SYT9: variants seen among roughly 807,000 people sequenced by gnomAD.
The protein encoded by SYT9 is synaptotagmin 9.
In SYT9, 22 loss-of-function variants were observed where a neutral mutation model predicts 48.4. That is an observed-to-expected ratio of 0.45 (90% confidence interval 0.32 to 0.65). The LOEUF (loss-of-function observed/expected upper bound fraction) is 0.65. SYT9 is among the 30% of genes least tolerant of loss of function. SYT9 has a pLI of 0.03. For missense variants in SYT9, 577 were observed against 622.0 expected, an observed-to-expected ratio of 0.93 and a Z score of 0.77; for synonymous variants, 265 against 245.0, an observed-to-expected ratio of 1.08 and a Z score of -0.76.
At chr11:7,298,321 T>C (rs1848850325) in intron 1 of SYT9, among the ~76,000 whole-genome samples, 1 of 152,232 alleles carries the variant, frequency 6.6e-6, no homozygotes, top group Non-Finnish European at 1.5e-5. Context: ...TCAGATTGGA[T>C]CTCAAGGGTG....
intron 1 of SYT9, among the ~76,000 whole-genome samples, chr11:7,282,866 A>T (rs1848525216): frequency 6.6e-6 from 1 of 151,694 alleles, no homozygotes; most frequent in South Asian, 2.1e-4. Context: ...ACATTTTATA[A>T]TTTTTAATAA....
chr11:7,419,024 C>T (rs1847301883), intron 5 of SYT9, among the ~76,000 whole-genome samples: 1 of 152,234 alleles, frequency 6.6e-6, no homozygotes, highest in Non-Finnish European at 1.5e-5. Flanking sequence ...CCAGCAGATG[C>T]CTGCGTGAAG....
intron 3 of SYT9, among the ~76,000 whole-genome samples, chr11:7,342,599 C>T (rs565123405): frequency 4.6e-5 from 7 of 152,318 alleles, no homozygotes; most frequent in Admixed American, 2.0e-4. Flanking sequence ...GCCTCCCTCC[C>T]GGCTGCTTTC....
At chr11:7,416,184 A>T in intron 4 of SYT9, 22 bp downstream of exon 4, 1 of 1,613,864 alleles carries the variant, frequency 6.2e-7, no homozygotes, top group Non-Finnish European at 8.5e-7. Flanking sequence ...TCAAATTCAG[A>T]CTTCCTCATG....
Position 7,425,999 on chromosome 11 carries a change from G to A in SYT9, c.1467+5364G>A, listed in dbSNP as rs187376077. ...GAAAACATAAATTTATTTATTATCT[G>A]AAAGGATACATACCATCTTGGTAAG... On this transcript the variant is annotated intron_variant, in intron 6 of 6. Transcript: ENST00000318881. Among the ~76,000 whole-genome samples, 60 of 152,272 alleles carry A rather than the reference G, an allele frequency of 3.9e-4. 1 individual carries two copies. The highest frequency in any genetic ancestry group is 1.8e-4 in the Non-Finnish European group (12 of 68,008).
At chr11:7,395,629 ATG>A (rs1352588712) in intron 3 of SYT9, among the ~76,000 whole-genome samples, 1 of 152,024 alleles carries the variant, frequency 6.6e-6, no homozygotes, top group Non-Finnish European at 1.5e-5. Context: ...TGTTGGTTTA[ATG>A]TATGTTTTAC....
In SYT9 at chr11:7,377,401, G is replaced by A. The variant is rs139078833; in HGVS notation, c.1045-38641G>A. ...ACCTTTTATTGGAACAAAGCCTTTTGTTTCCCTCAAGAGTTTTAGGAAATT... is the reference window on the plus strand; with the variant it reads ...ACCTTTTATTGGAACAAAGCCTTTTATTTCCCTCAAGAGTTTTAGGAAATT... On this transcript the variant is annotated intron_variant, in intron 3 of 6. Transcript: ENST00000318881. Among the ~76,000 whole-genome samples the A allele has an allele frequency of 1.6e-3, 241 of 152,162 alleles. 1 individual carries two copies. Among genetic ancestry groups the A allele is most frequent in the African/African-American group, 5.7e-3 (237 of 41,528 alleles).
At position 7,466,913 on chromosome 11, in the gene SYT9, C is replaced by G; in HGVS notation, c.*113C>G. On this transcript the variant is annotated 3_prime_UTR_variant, in exon 7 of 7. Transcript: ENST00000318881. ...TCCAGACGATTTCAGTGACCAAATGCTCAGCTGTAACCACAGCACTAACTG... is the reference window on the plus strand; with the variant it reads ...TCCAGACGATTTCAGTGACCAAATGGTCAGCTGTAACCACAGCACTAACTG... 10 of 1,343,898 alleles carry G rather than the reference C, an allele frequency of 7.4e-6. No homozygotes were observed. Among genetic ancestry groups the G allele is most frequent in the Middle Eastern group, 1.8e-4 (1 of 5,420 alleles). The allele number at this position is 1,343,898 out of a possible 1,614,324, so 83.2% of individuals were successfully genotyped here. A position where few individuals can be genotyped will look rare whatever the true frequency, so the allele number is the denominator to read the frequency against.
chr11:7,384,370 G>A (rs1476668747), intron 3 of SYT9, among the ~76,000 whole-genome samples: 3 of 152,210 alleles, frequency 2.0e-5, no homozygotes, highest in Middle Eastern at 3.4e-3. Flanking sequence ...GTGAAACTGA[G>A]TTCTTGATCT....
At chr11:7,403,147 C>T (rs1846930911) in intron 3 of SYT9, among the ~76,000 whole-genome samples, 1 of 152,098 alleles carries the variant, frequency 6.6e-6, no homozygotes, top group Admixed American at 6.5e-5. Context: ...GTAAATTTCC[C>T]TGTAAATACT....
At chr11:7,432,050 C>T (rs1203383976) in intron 6 of SYT9, among the ~76,000 whole-genome samples, 1 of 152,202 alleles carries the variant, frequency 6.6e-6, no homozygotes, top group African/African-American at 2.4e-5. Context: ...AGCCCCCAGA[C>T]CTCAGAATGG....
intron 3 of SYT9, among the ~76,000 whole-genome samples, chr11:7,385,430 G>A (rs1850640523): frequency 6.6e-6 from 1 of 151,914 alleles, no homozygotes; most frequent in Admixed American, 6.6e-5. Flanking sequence ...GTCTCTTAGT[G>A]AATACATCAG....
Position 7,321,626 on chromosome 11 carries a change from T to C in SYT9, c.1044+7685T>C, listed in dbSNP as rs187985062. ...GCAACTCAGTAATGTTTGACAGCAG[T>C]CTTTTATTGAACAGTACTGCTCCAT... On this transcript the variant is annotated intron_variant, in intron 3 of 6. Transcript: ENST00000318881. 5.9e-5 allele frequency among the ~76,000 whole-genome samples: 9 copies of C among 152,318 alleles called. No homozygotes were observed. The East Asian group carries it at 1.7e-3, about 29-fold the overall frequency.
At chr11:7,248,349 T>A (rs920040808), upstream of SYT9, among the ~76,000 whole-genome samples, 1 of 152,162 alleles carries the variant, frequency 6.6e-6, no homozygotes, top group African/African-American at 2.4e-5. Context: ...GAAATGTATC[T>A]ATCTTTGTTT....
chr11:7,395,066 C>T (rs1463523369), intron 3 of SYT9, among the ~76,000 whole-genome samples: 3 of 152,002 alleles, frequency 2.0e-5, no homozygotes, highest in African/African-American at 7.2e-5. Flanking sequence ...TATTTGGTTA[C>T]ATCAGTAGGT....
chr11:7,260,028 T>C lies in SYT9; in HGVS notation c.145+7697T>C, dbSNP rs147469215. Among the ~76,000 whole-genome samples the C allele has an allele frequency of 3.2e-3, 490 of 152,276 alleles. 3 individuals carry two copies. Among genetic ancestry groups the C allele is most frequent in the African/African-American group, 0.012 (482 of 41,574 alleles). ...TTTCCCACTCCAACCTACCCCACCCTACCCTTGTGCAGCTGTTACTTAACC... is the reference window on the plus strand; with the variant it reads ...TTTCCCACTCCAACCTACCCCACCCCACCCTTGTGCAGCTGTTACTTAACC... On this transcript the variant is annotated intron_variant, in intron 1 of 6. Coordinates refer to ENST00000318881, the MANE Select transcript of SYT9 (RefSeq NM_175733.4).
At chr11:7,403,669 A>C (rs1156624317) in intron 3 of SYT9, among the ~76,000 whole-genome samples, 4 of 152,226 alleles carry the variant, frequency 2.6e-5, no homozygotes, top group Non-Finnish European at 5.9e-5. Flanking sequence ...TTGTGGTAAG[A>C]AAATATACTT....
At chr11:7,347,751 G>A (rs1458167750) in intron 3 of SYT9, among the ~76,000 whole-genome samples, 3 of 152,186 alleles carry the variant, frequency 2.0e-5, no homozygotes, top group African/African-American at 7.2e-5. Context: ...AGGAATTTTG[G>A]TGTCTGCCAG....
chr11:7,280,891 A>G (rs1178730604), intron 1 of SYT9, among the ~76,000 whole-genome samples: 2 of 152,254 alleles, frequency 1.3e-5, no homozygotes, highest in Non-Finnish European at 2.9e-5. Context: ...TTTGAGAATC[A>G]TCTTTGAATA....
Sources: allele counts gnomAD v4.1 joint callset (sites outside exome capture counted in the v4.1 genomes callset), GRCh38; gene constraint gnomAD v4.1.1; transcripts MANE v1.5; gene names NCBI Gene and HGNC (gene_info 2026-07-23, HGNC 2026-07-21).